Variants in EHMT1 observed in about 807,000 individuals in gnomAD.
EHMT1 encodes the protein histone-lysine N-methyltransferase EHMT1.
In EHMT1, 15 loss-of-function variants were observed where a neutral mutation model predicts 147.2. The ratio of observed to expected loss-of-function variants is 0.10; its 90% CI spans 0.07 to 0.16. EHMT1 has a LOEUF of 0.16. Ranked by LOEUF, EHMT1 falls within the 10% of genes least tolerant of loss-of-function variation. The probability of loss-of-function intolerance (pLI) is 1.00; values close to 1 mark genes in which losing one functional copy is unlikely to be tolerated. For missense variants in EHMT1, 1,587 were observed against 1,772.4 expected (o/e 0.90, Z 1.88); for synonymous variants, 795 against 709.6 (o/e 1.12, Z -1.91).
At chr9:137,796,574 G>T (rs1034512321) in intron 16 of EHMT1, among the ~76,000 whole-genome samples, 24 of 151,584 alleles carry the variant, frequency 1.6e-4, no homozygotes, top group African/African-American at 5.6e-4. Flanking sequence ...CGTGGTGGTG[G>T]GCGCCTGTAG....
intron 10 of EHMT1, among the ~76,000 whole-genome samples, chr9:137,771,568 C>T (rs1389427925): frequency 1.3e-5 from 2 of 152,188 alleles, no homozygotes; most frequent in African/African-American, 2.4e-5. Context: ...CCTCGGAGTC[C>T]TGGTCTTGGC....
At chr9:137,697,510 C>A (rs78420252) in intron 1 of EHMT1, among the ~76,000 whole-genome samples, 3,558 of 152,192 alleles carry the variant, frequency 0.023, 64 homozygotes, top group Non-Finnish European at 0.035. Context: ...TTTTTTGAAG[C>A]GGTTTTAAAT....
intron 1 of EHMT1, among the ~76,000 whole-genome samples, chr9:137,669,148 A>G (rs890372577): frequency 6.6e-6 from 1 of 152,052 alleles, no homozygotes; most frequent in African/African-American, 2.4e-5. Flanking sequence ...AGGCCTCTCA[A>G]AGTGCTGAGA....
intron 18 of EHMT1, among the ~76,000 whole-genome samples, chr9:137,806,117 G>A (rs1398565563): frequency 2.0e-5 from 3 of 151,870 alleles, no homozygotes; most frequent in Admixed American, 6.6e-5. Flanking sequence ...ATGGCACCAC[G>A]CCTGGCTAAT....
chr9:137,625,364 TTTGTTGTTG>T (rs935724446), intron 1 of EHMT1, among the ~76,000 whole-genome samples: 3 of 151,970 alleles, frequency 2.0e-5, no homozygotes, highest in East Asian at 1.9e-4. Context: ...TAGGAGGTTT[TTTGTTGTTG>T]TTGTTGTTGT....
chr9:137,814,322 G>A, intron 21 of EHMT1, 109 bp from the exon 22 acceptor site: 2 of 1,204,454 alleles, frequency 1.7e-6, no homozygotes, highest in South Asian at 2.4e-5. Context: ...CCTTTGAGAA[G>A]CACTTACCAG....
intron 1 of EHMT1, among the ~76,000 whole-genome samples, chr9:137,698,218 G>A (rs1943560067): frequency 6.6e-6 from 1 of 152,246 alleles, no homozygotes; most frequent in Non-Finnish European, 1.5e-5. Flanking sequence ...GTCTTATCCA[G>A]CATGTTGTAG....
intron 9 of EHMT1, among the ~76,000 whole-genome samples, chr9:137,760,126 C>T (rs1041636140): frequency 2.0e-5 from 3 of 152,150 alleles, no homozygotes; most frequent in South Asian, 2.1e-4. Context: ...ACCATGGCAA[C>T]GTGGGCTAGG....
At chr9:137,702,049 C>G (rs910748724) in intron 1 of EHMT1, among the ~76,000 whole-genome samples, 1 of 152,166 alleles carries the variant, frequency 6.6e-6, no homozygotes, top group Non-Finnish European at 1.5e-5. Flanking sequence ...TCGCCTCAGC[C>G]TCCCAAAGTG....
Position 137,813,460 on chromosome 9 carries a change from A to G in EHMT1, c.3110A>G (p.Asn1037Ser). 1.2e-6 allele frequency: 2 copies of G among 1,614,074 alleles called. No homozygotes were observed. The highest frequency in any genetic ancestry group is 1.7e-6 in the Non-Finnish European group (2 of 1,180,018). The change falls in exon 21 of 27, where the codon AAC becomes AGC. Residue 1037 changes from asparagine (N) to serine (S), a missense_variant. Asn to Ser is a conservative substitution (Grantham distance 46). Coordinates refer to ENST00000460843, the MANE Select transcript of EHMT1 (RefSeq NM_024757.5). This position sits in a 1 kb window ranked among gnomAD's most constrained non-coding sequence, Gnocchi z 4.9. ...GTGGACAGCGAGCCATGCCCCAGCA[A>G]CTACAAGTACGTCTCTCAGAACTGC... is the stretch of plus-strand genomic sequence containing the variant. The part of the protein sequence containing the change: ...NAVDSEPCPS[N>S]YKYVSQNCVT...
chr9:137,689,699 T>G (rs1358986867), intron 1 of EHMT1, among the ~76,000 whole-genome samples: 2 of 152,184 alleles, frequency 1.3e-5, no homozygotes, highest in African/African-American at 4.8e-5. Flanking sequence ...CAAGACTCCG[T>G]CTCAAAAGAA....
Position 137,811,516 on chromosome 9 carries a change from A to T in EHMT1, c.2768A>T (p.Glu923Val). 1 of 1,611,824 alleles carries T rather than the reference A, an allele frequency of 6.2e-7. No individual in the cohort carries two copies. Among genetic ancestry groups the T allele is most frequent in the Non-Finnish European group, 8.5e-7 (1 of 1,180,012 alleles). The change falls in exon 19 of 27, where the codon GAG becomes GTG. Residue 923 changes from glutamate (E) to valine (V), a missense_variant. Physicochemically the swap from Glu to Val is moderately radical, Grantham distance 121. Transcript: ENST00000460843. ...TTCTCCGGCTGCGTGGACATAGCCG[A>T]GATCCTGCTGGCTGCCAAGTGCGAC... ...AAFSGCVDIA[E>V]ILLAAKCDLH...
chr9:137,672,877 G>A (rs1310238014), intron 1 of EHMT1, among the ~76,000 whole-genome samples: 2 of 152,234 alleles, frequency 1.3e-5, no homozygotes, highest in Non-Finnish European at 2.9e-5. Context: ...TCTCTGACAT[G>A]AGTAGGAATG....
intron 14 of EHMT1, among the ~76,000 whole-genome samples, chr9:137,781,414 T>TGGGATGTGTGGTGATGAC (rs1951537193): frequency 1.6e-5 from 2 of 128,310 alleles, no homozygotes; most frequent in African/African-American, 7.4e-5. Context: ...GTGGTGATGA[T>TGGGATGTGTGGTGATGAC]GCTGAGATGT....
At position 137,813,076 on chromosome 9, in the gene EHMT1, A is replaced by C; in HGVS notation, c.2938A>C (p.Ser980Arg). 2 of 1,613,860 alleles carry C rather than the reference A, an allele frequency of 1.2e-6. No homozygotes were observed. Among genetic ancestry groups the C allele is most frequent in the South Asian group, 2.2e-5 (2 of 91,086 alleles). ...AGGAGAGACGCCCCTGCAGTGTGCG[A>C]GCCTCAACTCTCAGGTGTGGAGCGC... Reference protein sequence around the residue: ...KEGETPLQCASLNSQVWSALQ... With the variant: ...KEGETPLQCARLNSQVWSALQ... The change falls in exon 20 of 27, where the codon AGC becomes CGC. Residue 980 changes from serine to arginine, a missense_variant. Ser to Arg is a moderately radical substitution (Grantham distance 110). This residue lies in a region of EHMT1 where 78 missense variants were observed against 68.9 expected (regional missense o/e 1.13). Coordinates refer to ENST00000460843, the MANE Select transcript of EHMT1 (RefSeq NM_024757.5). The surrounding 1 kb of genome is among the most constrained non-coding windows in gnomAD (Gnocchi z 4.9).
intron 14 of EHMT1, among the ~76,000 whole-genome samples, chr9:137,780,916 T>C (rs77641149): frequency 1.5e-4 from 14 of 95,922 alleles, no homozygotes; most frequent in Middle Eastern, 0.019. Flanking sequence ...GTGATGACGC[T>C]GAGATGTGTG....
At position 137,820,865 on chromosome 9, in the gene EHMT1, AGGTTT is replaced by A. The variant is rs113348109; in HGVS notation, c.3540+2729_3540+2733del. On this transcript the variant is annotated intron_variant, in intron 25 of 26. Coordinates refer to ENST00000460843, the MANE Select transcript of EHMT1 (RefSeq NM_024757.5). ...TGTAGTTTACATCTTCTCACCTTAG[AGGTTT>A]GTTTTGTTTTGTTTTGTTTTGTTTT... Among the ~76,000 whole-genome samples the A allele has an allele frequency of 4.3e-3, 619 of 143,810 alleles. 6 individuals are homozygous for A. Among genetic ancestry groups the A allele is most frequent in the African/African-American group, 0.016 (542 of 33,386 alleles). 94.3% of individuals were successfully genotyped at this position (143,810 alleles called of 152,430 possible). A position where few individuals can be genotyped will look rare whatever the true frequency, so the allele number is the denominator to read the frequency against.
chr9:137,783,158 C>T (rs1035386519), intron 15 of EHMT1, among the ~76,000 whole-genome samples: 10 of 152,216 alleles, frequency 6.6e-5, no homozygotes, highest in African/African-American at 1.7e-4. Flanking sequence ...GTGCTGTGCC[C>T]TTTCAGTGCA....
At chr9:137,803,914 C>G (rs28595313) in intron 18 of EHMT1, among the ~76,000 whole-genome samples, 21 of 151,880 alleles carry the variant, frequency 1.4e-4, no homozygotes, top group African/African-American at 5.1e-4. Flanking sequence ...TGCATTCATC[C>G]GTTCTCACAC....
Sources: gnomAD v4.1 joint callset for allele counts (sites outside exome capture counted in the v4.1 genomes callset) on GRCh38, gnomAD v4.1.1 for gene constraint, gnomAD v4.1.1 regional missense constraint, Gnocchi (gnomAD v3.1) non-coding constraint, MANE v1.5 for transcripts, NCBI Gene and HGNC (gene_info 2026-07-23, HGNC 2026-07-21) for gene names.